KIAA1217: variants seen among roughly 807,000 people sequenced by gnomAD.
The protein encoded by KIAA1217 is KIAA1217.
KIAA1217 carries 88 observed loss-of-function variants against 163.9 expected under a neutral mutation model. The ratio of observed to expected loss-of-function variants is 0.54; its 90% CI spans 0.45 to 0.64. The LOEUF (loss-of-function observed/expected upper bound fraction) is 0.64. Among genes scored for constraint, KIAA1217 ranks in the 30% least tolerant of loss-of-function variants. The pLI, the probability that KIAA1217 is intolerant of heterozygous loss-of-function variation, is 0.00. For synonymous variants in KIAA1217, 903 were observed against 923.1 expected, an observed-to-expected ratio of 0.98 and a Z score of 0.39; for missense variants, 2,372 against 2,475.0, an observed-to-expected ratio of 0.96 and a Z score of 0.88.
intron 1 of KIAA1217, among the ~76,000 whole-genome samples, chr10:23,935,851 C>G (rs1298882728): frequency 6.6e-6 from 1 of 152,108 alleles, no homozygotes; most frequent in East Asian, 1.9e-4. Context: ...TCTAGAATAA[C>G]TGAAGCCCAC....
rs80009220 is a variant in KIAA1217, at chr10:24,179,178, T to C, written c.-170-40448T>C. Among the ~76,000 whole-genome samples the C allele has an allele frequency of 6.0e-4, 91 of 152,262 alleles. No homozygotes were observed. In the East Asian group the frequency reaches 0.017, roughly 28 times the overall value. ...TACCATTTTAACAAAGAGCAATACATTGTGTATAAGTGACAAGACAAAGTA... is the reference window on the plus strand; with the variant it reads ...TACCATTTTAACAAAGAGCAATACACTGTGTATAAGTGACAAGACAAAGTA... On this transcript the variant is annotated intron_variant, in intron 2 of 18. Coordinates refer to the KIAA1217 transcript ENST00000376462.
intron 1 of KIAA1217, among the ~76,000 whole-genome samples, chr10:24,210,109 G>A (rs1163889668): frequency 6.6e-6 from 1 of 151,926 alleles, no homozygotes; most frequent in African/African-American, 2.4e-5. Context: ...TTCATGCAGG[G>A]GCCAGTACAC....
At chr10:23,742,869 T>C (rs925733766) in intron 1 of KIAA1217, among the ~76,000 whole-genome samples, 5 of 152,194 alleles carry the variant, frequency 3.3e-5, no homozygotes, top group Non-Finnish European at 5.9e-5. Flanking sequence ...ATGATCATCA[T>C]ATAACAAGAA....
intron 2 of KIAA1217, among the ~76,000 whole-genome samples, chr10:24,249,044 C>T (rs1176829517): frequency 6.6e-6 from 1 of 152,194 alleles, no homozygotes; most frequent in Non-Finnish European, 1.5e-5. Flanking sequence ...TGCATTAAAA[C>T]CACGAGTGTA....
chr10:23,854,663 T>A (rs990598444), intron 1 of KIAA1217, among the ~76,000 whole-genome samples: 1 of 152,132 alleles, frequency 6.6e-6, no homozygotes, highest in Admixed American at 6.5e-5. Flanking sequence ...CTCTTTGTAG[T>A]TCACTCAGGA....
At position 24,507,868 on chromosome 10, in the gene KIAA1217, AG is replaced by A. The variant is rs369057644; in HGVS notation, c.2002-5390del. Among the ~76,000 whole-genome samples the A allele has an allele frequency of 7.2e-3, 1,100 of 152,296 alleles. 11 individuals are homozygous for A. The highest frequency in any genetic ancestry group is 0.024 in the African/African-American group (1,006 of 41,576). On this transcript the variant is annotated intron_variant, in intron 9 of 20. Coordinates refer to ENST00000376454, the MANE Select transcript of KIAA1217 (RefSeq NM_019590.5). ...ATCTTCAAAGCAGCTGGGGGTGGAG[AG>A]AAAACCCATTACATACAGGAATCAC... is the stretch of plus-strand genomic sequence containing the variant.
chr10:23,869,555 G>A (rs377394128), intron 1 of KIAA1217, among the ~76,000 whole-genome samples: 32 of 151,948 alleles, frequency 2.1e-4, no homozygotes, highest in African/African-American at 7.0e-4. Context: ...TCAATCGGTC[G>A]TGAGGTAGAT....
intron 2 of KIAA1217, among the ~76,000 whole-genome samples, chr10:24,323,776 A>G (rs1434943914): frequency 1.4e-5 from 2 of 139,670 alleles, no homozygotes; most frequent in African/African-American, 5.6e-5. Context: ...GACAATGCCC[A>G]TGTTTTCTCT....
chr10:24,001,594 CA>C (rs1846746691), intron 1 of KIAA1217, among the ~76,000 whole-genome samples: 1 of 152,106 alleles, frequency 6.6e-6, no homozygotes, highest in South Asian at 2.1e-4. Flanking sequence ...TTATTACCAT[CA>C]TTATCATTTC....
chr10:24,102,076 G>A (rs191017227), intron 2 of KIAA1217, among the ~76,000 whole-genome samples: 1 of 152,236 alleles, frequency 6.6e-6, no homozygotes, highest in Non-Finnish European at 1.5e-5. Context: ...ATCCAAAGGT[G>A]TAAAAATTGG....
At chr10:24,189,235 GC>G (rs1285173061) in intron 2 of KIAA1217, among the ~76,000 whole-genome samples, 1 of 152,058 alleles carries the variant, frequency 6.6e-6, no homozygotes, top group Non-Finnish European at 1.5e-5. Context: ...CGCTTGACCT[GC>G]AACCTGACAT....
chr10:23,966,803 A>G (rs1197416445), intron 1 of KIAA1217, among the ~76,000 whole-genome samples: 1 of 152,202 alleles, frequency 6.6e-6, no homozygotes, highest in African/African-American at 2.4e-5. Context: ...TGAAGGGACT[A>G]TGTGATGATG....
chr10:23,919,402 T>G (rs1311346068), intron 1 of KIAA1217, among the ~76,000 whole-genome samples: 10 of 151,658 alleles, frequency 6.6e-5, no homozygotes. Context: ...GGTCAGGAGT[T>G]CAAGACCAGC....
At chr10:24,360,977 A>G (rs1471105231) in intron 2 of KIAA1217, among the ~76,000 whole-genome samples, 1 of 152,174 alleles carries the variant, frequency 6.6e-6, no homozygotes, top group African/African-American at 2.4e-5. Context: ...AGTTTTTAAA[A>G]AAATTTTATT....
intron 1 of KIAA1217, among the ~76,000 whole-genome samples, chr10:23,720,828 C>T (rs1837842518): frequency 6.6e-6 from 1 of 152,178 alleles, no homozygotes. Flanking sequence ...ATATTAACTA[C>T]TTTAAGCCCA....
intron 2 of KIAA1217, among the ~76,000 whole-genome samples, chr10:24,239,693 GTGTT>G (rs1013678691): frequency 2.4e-4 from 34 of 142,042 alleles, no homozygotes; most frequent in African/African-American, 4.9e-4. Context: ...GTGTGTGTGT[GTGTT>G]TGTGTGTGTG....
chr10:24,046,829 G>A (rs1849064847), intron 2 of KIAA1217, among the ~76,000 whole-genome samples: 1 of 152,158 alleles, frequency 6.6e-6, no homozygotes, highest in African/African-American at 2.4e-5. Flanking sequence ...TAATTCCAGT[G>A]GTTTTGAGCC....
chr10:23,841,429 A>T (rs116999669), intron 1 of KIAA1217, among the ~76,000 whole-genome samples: 1,530 of 152,342 alleles, frequency 0.01, 17 homozygotes, highest in Non-Finnish European at 0.015. Context: ...TATTTATTTA[A>T]TGTACCAAAA....
intron 1 of KIAA1217, among the ~76,000 whole-genome samples, chr10:23,712,839 C>T (rs1055711295): frequency 6.6e-6 from 1 of 151,962 alleles, no homozygotes; most frequent in Non-Finnish European, 1.5e-5. Flanking sequence ...TTTACTATGC[C>T]GTGTTTCTTA....
Sources: gnomAD v4.1 joint callset for allele counts (sites outside exome capture counted in the v4.1 genomes callset) on GRCh38, gnomAD v4.1.1 for gene constraint, MANE v1.5 for transcripts, NCBI Gene and HGNC (gene_info 2026-07-23, HGNC 2026-07-21) for gene names.